Variants in PRKN observed in about 807,000 individuals in gnomAD.
PRKN encodes parkin RBR E3 ubiquitin protein ligase.
Under a neutral mutation model 59.5 loss-of-function variants are expected in PRKN, and 56 were observed. The observed-to-expected ratio is 0.94, with a 90% CI of 0.76 to 1.18. PRKN has a LOEUF of 1.18. Among genes scored for constraint, PRKN ranks in the 50% most tolerant of loss-of-function variants. PRKN has a pLI of 0.00. For synonymous variants in PRKN, 250 were observed against 222.1 expected (o/e 1.13, Z -1.12); for missense variants, 657 against 596.4 (o/e 1.10, Z -1.06).
rs1244234329 is a variant in PRKN, at chr6:161,552,191, T to C, written c.934-3188A>G. Among the ~76,000 whole-genome samples, 1 of 152,204 alleles carries C rather than the reference T, an allele frequency of 6.6e-6. No individual in the cohort carries two copies. Among genetic ancestry groups the C allele is most frequent in the East Asian group, 1.9e-4 (1 of 5,194 alleles). ...AGCTGCAAAGGCAAAGTAGAAAGAA[T>C]GGTGGATTTAAGTTTGGTTGCAGTT... is the stretch of plus-strand genomic sequence containing the variant. On this transcript the variant is annotated intron_variant, in intron 8 of 11. Transcript: ENST00000366898. This position sits in a 1 kb window ranked among gnomAD's most constrained non-coding sequence, Gnocchi z 4.9.
At chr6:162,580,571 A>G (rs967382291) in intron 1 of PRKN, among the ~76,000 whole-genome samples, 2 of 149,962 alleles carry the variant, frequency 1.3e-5, no homozygotes, top group African/African-American at 4.9e-5. Context: ...AAACAGAGAA[A>G]AAAAAAAAAA....
intron 5 of PRKN, among the ~76,000 whole-genome samples, chr6:162,044,517 C>T (rs146482169): frequency 2.7e-3 from 410 of 152,296 alleles, no homozygotes; most frequent in Middle Eastern, 0.01. Flanking sequence ...TGTTTCATGT[C>T]CTCTTAACAT....
At chr6:162,686,692 G>A (rs141373666) in intron 1 of PRKN, among the ~76,000 whole-genome samples, 151 of 152,256 alleles carry the variant, frequency 9.9e-4, no homozygotes, top group African/African-American at 3.4e-3. Flanking sequence ...TGGGTAAATC[G>A]CTTGCACCCA....
chr6:162,033,691 T>C (rs933781874), intron 5 of PRKN, among the ~76,000 whole-genome samples: 10 of 152,176 alleles, frequency 6.6e-5, no homozygotes, highest in African/African-American at 2.4e-4. Context: ...ATTAATTAGC[T>C]TTCATCTTAG....
intron 2 of PRKN, among the ~76,000 whole-genome samples, chr6:162,340,701 G>A (rs370770106): frequency 1.3e-5 from 2 of 152,208 alleles, no homozygotes; most frequent in East Asian, 1.9e-4. Flanking sequence ...TTTAATAAAC[G>A]GTGTTGGGAA....
In PRKN at chr6:161,444,085, C is replaced by T. The variant is rs1365854774; in HGVS notation, c.1084-57208G>A. On this transcript the variant is annotated intron_variant, in intron 9 of 11. Coordinates refer to ENST00000366898, the MANE Select transcript of PRKN (RefSeq NM_004562.3). This position sits in a 1 kb window ranked among gnomAD's most constrained non-coding sequence, Gnocchi z 5.6. Reference sequence around the variant, plus strand: ...AAAAGTGTGGGAGGCTGGGTGGGGCCGGTGAGCTCTGGAGCTTCTGGCTCC... The same window carrying T: ...AAAAGTGTGGGAGGCTGGGTGGGGCTGGTGAGCTCTGGAGCTTCTGGCTCC... Among the ~76,000 whole-genome samples, 1 of 152,182 alleles carries T rather than the reference C, an allele frequency of 6.6e-6. No individual in the cohort carries two copies. The highest frequency in any genetic ancestry group is 1.5e-5 in the Non-Finnish European group (1 of 68,024).
intron 1 of PRKN, among the ~76,000 whole-genome samples, chr6:162,693,934 C>T (rs1777873056): frequency 6.6e-6 from 1 of 151,998 alleles, no homozygotes; most frequent in Non-Finnish European, 1.5e-5. Flanking sequence ...GGAATAAATG[C>T]TGGAGGAATT....
chr6:162,663,872 A>G (rs1217793249), intron 1 of PRKN, among the ~76,000 whole-genome samples: 3 of 152,080 alleles, frequency 2.0e-5, no homozygotes, highest in Non-Finnish European at 4.4e-5. Context: ...AAGCCCCACA[A>G]TACTTTTTTT....
In PRKN at chr6:162,345,936, A is replaced by G. The variant is rs955940113; in HGVS notation, c.172-83171T>C. Reference sequence around the variant, plus strand: ...CTTTGGGAGGTAATTAAGATTAGATAAGGCCATCAGAGTGGGGCCCTCATA... The same window carrying G: ...CTTTGGGAGGTAATTAAGATTAGATGAGGCCATCAGAGTGGGGCCCTCATA... On this transcript the variant is annotated intron_variant, in intron 2 of 11. Coordinates refer to ENST00000366898, the MANE Select transcript of PRKN (RefSeq NM_004562.3). 3.3e-5 allele frequency among the ~76,000 whole-genome samples: 5 copies of G among 152,140 alleles called. 1 individual carries two copies. Among genetic ancestry groups the G allele is most frequent in the Admixed American group, 2.0e-4 (3 of 15,268 alleles).
At chr6:162,116,252 C>T (rs1019592583) in intron 4 of PRKN, among the ~76,000 whole-genome samples, 3 of 152,192 alleles carry the variant, frequency 2.0e-5, no homozygotes, top group Non-Finnish European at 4.4e-5. Context: ...ACATAAGGAT[C>T]TTGTACAAGG....
chr6:162,251,154 C>T (rs1562614804), intron 3 of PRKN, among the ~76,000 whole-genome samples: 1 of 152,090 alleles, frequency 6.6e-6, no homozygotes, highest in Admixed American at 6.6e-5. Context: ...GATTCCTTGT[C>T]TTTTTTAGTT....
chr6:162,481,201 T>G (rs1792294905), intron 1 of PRKN, among the ~76,000 whole-genome samples: 1 of 152,170 alleles, frequency 6.6e-6, no homozygotes, highest in African/African-American at 2.4e-5. Context: ...AAGTGAAGCT[T>G]TCAAAAATAA....
At chr6:161,720,428 C>T (rs373078074) in intron 7 of PRKN, among the ~76,000 whole-genome samples, 2 of 152,226 alleles carry the variant, frequency 1.3e-5, no homozygotes, top group South Asian at 2.1e-4. Flanking sequence ...TCCTGTGCCC[C>T]GACACTGCAG....
At chr6:161,843,961 G>A (rs1793095715) in intron 6 of PRKN, among the ~76,000 whole-genome samples, 1 of 152,104 alleles carries the variant, frequency 6.6e-6, no homozygotes. Flanking sequence ...TCCAGGCTCT[G>A]GTCCTCACCC....
chr6:161,571,879 G>A (rs1012478744), intron 7 of PRKN, among the ~76,000 whole-genome samples: 15 of 152,114 alleles, frequency 9.9e-5, no homozygotes, highest in South Asian at 4.1e-4. Flanking sequence ...GGCAGAGAAC[G>A]GTGAATGCTC....
At chr6:162,235,630 AC>A (rs1778622504) in intron 3 of PRKN, among the ~76,000 whole-genome samples, 1 of 151,952 alleles carries the variant, frequency 6.6e-6, no homozygotes. Flanking sequence ...ACATGGCGAA[AC>A]CCTGTCTCTA....
At chr6:162,274,634 C>A (rs545004060) in intron 2 of PRKN, among the ~76,000 whole-genome samples, 1 of 152,272 alleles carries the variant, frequency 6.6e-6, no homozygotes, top group South Asian at 2.1e-4. Flanking sequence ...GTTGCTTTTA[C>A]AAGTTCCCTC....
chr6:162,597,014 A>C (rs1454847611), intron 1 of PRKN, among the ~76,000 whole-genome samples: 1 of 152,222 alleles, frequency 6.6e-6, no homozygotes, highest in Non-Finnish European at 1.5e-5. Flanking sequence ...CCCAAGTCTA[A>C]ATAGTTATCA....
At chr6:161,781,420 A>G (rs895953608) in intron 7 of PRKN, among the ~76,000 whole-genome samples, 7 of 152,196 alleles carry the variant, frequency 4.6e-5, no homozygotes, top group Admixed American at 2.0e-4. Flanking sequence ...AAAACCAAGA[A>G]GTTGAACCCA....
Sources: allele counts gnomAD v4.1 joint callset (sites outside exome capture counted in the v4.1 genomes callset), GRCh38; gene constraint gnomAD v4.1.1; non-coding constraint Gnocchi (gnomAD v3.1); transcripts MANE v1.5; gene names NCBI Gene and HGNC (gene_info 2026-07-23, HGNC 2026-07-21).